Variants in MGA observed in about 807,000 individuals in gnomAD.
MGA encodes the protein MAX dimerization protein MGA.
In MGA, 40 loss-of-function variants were observed where a neutral mutation model predicts 261.1. The observed-to-expected ratio is 0.15, with a 90% CI of 0.12 to 0.20. The LOEUF is 0.20. Among genes scored for constraint, MGA ranks in the 10% least tolerant of loss-of-function variants. MGA has a pLI of 1.00. For missense variants in MGA, 3,397 were observed against 3,630.5 expected (o/e 0.94, Z 1.65); for synonymous variants, 1,302 against 1,290.6 (o/e 1.01, Z -0.19).
rs1192401479 is a variant in MGA at position 41,740,074 on chromosome 15, G to A, written c.4456G>A (p.Ala1486Thr). The A allele has an allele frequency of 1.9e-6, 3 of 1,613,882 alleles. No homozygotes were observed. Among genetic ancestry groups the A allele is most frequent in the Non-Finnish European group, 1.7e-6 (2 of 1,179,902 alleles). The change falls in exon 14 of 24, where the codon GCT becomes ACT. Residue 1486 changes from alanine to threonine, a missense_variant. This residue lies in a region of MGA where 1,410 missense variants were observed against 1,386.4 expected (regional missense o/e 1.02). Coordinates refer to ENST00000219905, the MANE Select transcript of MGA (RefSeq NM_001164273.2). ...CAAGGTAGCATCCAATGCCAAGGTG[G>A]CTGCATCCAGGAAACCACGTACCCT...
At chr15:41,640,264 G>T (rs1439378499) in intron 1 of MGA, among the ~76,000 whole-genome samples, 1 of 152,158 alleles carries the variant, frequency 6.6e-6, no homozygotes, top group Admixed American at 6.6e-5. Context: ...GAGTAGTTGA[G>T]TATACAGCAG....
chr15:41,663,673 G>A (rs1000782813), intron 1 of MGA, among the ~76,000 whole-genome samples: 2 of 151,992 alleles, frequency 1.3e-5, no homozygotes, highest in Non-Finnish European at 2.9e-5. Context: ...GTTTTGTCAT[G>A]TTGGCCAGGC....
At chr15:41,681,988 GCTT>G (rs1462073382) in intron 2 of MGA, among the ~76,000 whole-genome samples, 2 of 152,034 alleles carry the variant, frequency 1.3e-5, no homozygotes, top group Admixed American at 6.6e-5. Context: ...TGCGATCTCG[GCTT>G]ACTGCAACCG....
chr15:41,723,096 A>T (rs565371611), intron 9 of MGA, among the ~76,000 whole-genome samples: 1 of 152,196 alleles, frequency 6.6e-6, no homozygotes, highest in African/African-American at 2.4e-5. Flanking sequence ...ACTGATTTCT[A>T]TTCTTGGCTC....
chr15:41,724,478 C>T (rs2061120409), intron 9 of MGA, among the ~76,000 whole-genome samples: 3 of 152,102 alleles, frequency 2.0e-5, no homozygotes, highest in Non-Finnish European at 2.9e-5. Flanking sequence ...TATTTGAATG[C>T]ATAAATGAAT....
chr15:41,756,729 A>G (rs563094289), intron 18 of MGA, among the ~76,000 whole-genome samples: 5 of 152,196 alleles, frequency 3.3e-5, no homozygotes, highest in Admixed American at 6.5e-5. Context: ...GCGTATCAAC[A>G]TATCTCAGGT....
chr15:41,734,410 A>G, intron 11 of MGA, 112 bp from the exon 12 acceptor site: 4 of 818,024 alleles, frequency 4.9e-6, no homozygotes, highest in South Asian at 4.9e-5. Flanking sequence ...TTGACATTTC[A>G]GTCATTCTAA....
At position 41,766,783 on chromosome 15, in the gene MGA, C is replaced by G; in HGVS notation, c.8701C>G (p.Leu2901Val). 6.2e-7 allele frequency: 1 copy of G among 1,614,006 alleles called. No individual in the cohort carries two copies. The highest frequency in any genetic ancestry group is 8.5e-7 in the Non-Finnish European group (1 of 1,179,894). Residue 2901 changes from leucine to valine, a missense_variant, in exon 24 of 24, where the codon CTC becomes GTC. Coordinates refer to ENST00000219905, the MANE Select transcript of MGA (RefSeq NM_001164273.2). ...GGAGAGTGACTCTATCAGTCCCCTC[C>G]TCTTGCACTTGGAAGACGATGACTT...
intron 2 of MGA, chr15:41,691,479 A>G: frequency 3.5e-6 from 1 of 283,824 alleles, no homozygotes; most frequent in South Asian, 4.0e-5. Context: ...ACCTGTGAAT[A>G]GAGATAGTTT....
At chr15:41,663,847 G>C (rs928971502) in intron 1 of MGA, among the ~76,000 whole-genome samples, 1 of 152,082 alleles carries the variant, frequency 6.6e-6, no homozygotes. Flanking sequence ...TGGTGTGTCT[G>C]AAACAGCTGA....
intron 17 of MGA, chr15:41,751,352 T>C (rs895291404): frequency 2.0e-5 from 3 of 152,184 alleles, no homozygotes; most frequent in African/African-American, 7.2e-5. Context: ...TTTTAGACTT[T>C]GCAGAGAGCT....
intron 15 of MGA, among the ~76,000 whole-genome samples, chr15:41,747,704 G>A (rs2695162): frequency 0.78 from 118,247 of 152,074 alleles, 46,618 homozygotes; most frequent in East Asian, 0.89. Flanking sequence ...TCAAAAGAAT[G>A]AAGTTGAAGC....
intron 2 of MGA, among the ~76,000 whole-genome samples, chr15:41,672,331 T>A (rs138006477): frequency 0.018 from 2,695 of 152,254 alleles, 77 homozygotes; most frequent in African/African-American, 0.062. Flanking sequence ...TTTTTTGTAT[T>A]TTTAGTAGAG....
chr15:41,765,948 G>A, intron 23 of MGA, 56 bp from the exon 24 acceptor site: 1 of 1,373,510 alleles, frequency 7.3e-7, no homozygotes, highest in Non-Finnish European at 1.0e-6. Flanking sequence ...GAGAGAAAGA[G>A]AGGTGTTAAC....
chr15:41,668,793 T>G, intron 1 of MGA, 35 bp from the exon 2 acceptor site: 2 of 826,760 alleles, frequency 2.4e-6, no homozygotes, highest in East Asian at 2.5e-5. Flanking sequence ...TAAAGGGTGT[T>G]TTTTGTTTTT....
chr15:41,708,609 G>A (rs955168142), intron 7 of MGA, among the ~76,000 whole-genome samples: 3 of 152,144 alleles, frequency 2.0e-5, no homozygotes, highest in African/African-American at 7.2e-5. Context: ...GTGAGCTGCC[G>A]CGCCCAAGCC....
chr15:41,714,753 A>G (rs2060543896), intron 9 of MGA, among the ~76,000 whole-genome samples: 1 of 152,188 alleles, frequency 6.6e-6, no homozygotes, highest in South Asian at 2.1e-4. Flanking sequence ...TTAGCCTCCC[A>G]AAGTGCTAGG....
At chr15:41,655,812 C>T (rs1226699121), upstream of MGA, among the ~76,000 whole-genome samples, 1 of 152,184 alleles carries the variant, frequency 6.6e-6, no homozygotes, top group Non-Finnish European at 1.5e-5. Flanking sequence ...AACTCTACCC[C>T]TTTGGGAAAT....
At chr15:41,666,399 A>G (rs2057740836) in intron 1 of MGA, among the ~76,000 whole-genome samples, 1 of 152,160 alleles carries the variant, frequency 6.6e-6, no homozygotes, top group Non-Finnish European at 1.5e-5. Context: ...TATTTATTTT[A>G]AAGACCGAAA....
Sources: gnomAD v4.1 joint callset for allele counts (sites outside exome capture counted in the v4.1 genomes callset) on GRCh38, gnomAD v4.1.1 for gene constraint, gnomAD v4.1.1 regional missense constraint, MANE v1.5 for transcripts, NCBI Gene and HGNC (gene_info 2026-07-23, HGNC 2026-07-21) for gene names.